Variants in MAGI3 observed in about 807,000 individuals in gnomAD.
The protein encoded by MAGI3 is membrane associated guanylate kinase, WW and PDZ domain containing 3.
A neutral mutation model predicts 121.8 loss-of-function variants in MAGI3; 43 were observed. The ratio of observed to expected loss-of-function variants is 0.35; its 90% CI spans 0.28 to 0.46. The LOEUF is 0.46. Among genes scored for constraint, MAGI3 ranks in the 20% least tolerant of loss-of-function variants. The pLI, the probability that MAGI3 is intolerant of heterozygous loss-of-function variation, is 1.00. For missense variants in MAGI3, 1,547 were observed against 1,797.3 expected (o/e 0.86, Z 2.52); for synonymous variants, 553 against 639.3 (o/e 0.86, Z 2.04).
At chr1:113,460,972 C>T (rs779185747) in intron 1 of MAGI3, among the ~76,000 whole-genome samples, 2 of 152,238 alleles carry the variant, frequency 1.3e-5, no homozygotes, top group African/African-American at 4.8e-5. Context: ...GAAAGGCAAT[C>T]GAATTCCCAG....
intron 1 of MAGI3, among the ~76,000 whole-genome samples, chr1:113,454,841 T>A (rs530263917): frequency 1.3e-5 from 2 of 152,282 alleles, no homozygotes; most frequent in South Asian, 4.2e-4. Flanking sequence ...TAGTAAATGC[T>A]CAGTAAATGA....
intron 1 of MAGI3, among the ~76,000 whole-genome samples, chr1:113,414,526 G>A (rs1361821076): frequency 1.3e-5 from 2 of 151,864 alleles, no homozygotes; most frequent in Non-Finnish European, 2.9e-5. Context: ...TTTGTTGGTA[G>A]GCTATTAATT....
chr1:113,419,983 C>T (rs1046501519), intron 1 of MAGI3, among the ~76,000 whole-genome samples: 6 of 152,190 alleles, frequency 3.9e-5, no homozygotes, highest in South Asian at 2.1e-4. Flanking sequence ...TCCTACTACC[C>T]TCTTAGAAGG....
intron 1 of MAGI3, among the ~76,000 whole-genome samples, chr1:113,475,193 T>C (rs1054686770): frequency 3.3e-5 from 5 of 152,184 alleles, no homozygotes; most frequent in African/African-American, 1.2e-4. Flanking sequence ...AGAGGGACAA[T>C]TTAACTTCCT....
intron 9 of MAGI3, among the ~76,000 whole-genome samples, chr1:113,626,672 A>G (rs1651259166): frequency 6.6e-6 from 1 of 152,082 alleles, no homozygotes. Context: ...TTGTGGTTTG[A>G]TCTTGGTAAG....
At chr1:113,471,775 A>G (rs1353847905) in intron 1 of MAGI3, among the ~76,000 whole-genome samples, 4 of 152,206 alleles carry the variant, frequency 2.6e-5, no homozygotes, top group Non-Finnish European at 4.4e-5. Flanking sequence ...TGTCTACAAC[A>G]TCATTAGGCT....
intron 1 of MAGI3, among the ~76,000 whole-genome samples, chr1:113,459,009 G>A (rs1346201238): frequency 6.6e-6 from 1 of 152,040 alleles, no homozygotes; most frequent in African/African-American, 2.4e-5. Flanking sequence ...ATGAGAAAAA[G>A]TCCTTTGAAT....
At chr1:113,400,062 A>T (rs1352372568) in intron 1 of MAGI3, among the ~76,000 whole-genome samples, 1 of 152,128 alleles carries the variant, frequency 6.6e-6, no homozygotes, top group African/African-American at 2.4e-5. Flanking sequence ...TTGAAACATT[A>T]CTTAAGTATG....
chr1:113,648,589 C>A (rs1304274563), intron 12 of MAGI3, among the ~76,000 whole-genome samples: 2 of 151,520 alleles, frequency 1.3e-5, no homozygotes, highest in Non-Finnish European at 2.9e-5. Flanking sequence ...GGAGATTAGA[C>A]CCTGGAAATC....
intron 2 of MAGI3, among the ~76,000 whole-genome samples, chr1:113,580,082 C>A (rs938415343): frequency 2.0e-5 from 3 of 152,044 alleles, no homozygotes; most frequent in African/African-American, 4.8e-5. Flanking sequence ...AATTTACTTA[C>A]TGCTTAATTT....
At chr1:113,414,201 A>T (rs186770143) in intron 1 of MAGI3, among the ~76,000 whole-genome samples, 19 of 152,148 alleles carry the variant, frequency 1.2e-4, no homozygotes, top group African/African-American at 4.6e-4. Context: ...TGTATGTTGA[A>T]CCAGCCTTGC....
intron 1 of MAGI3, among the ~76,000 whole-genome samples, chr1:113,471,157 C>G (rs1399417982): frequency 6.6e-6 from 1 of 152,110 alleles, no homozygotes; most frequent in Non-Finnish European, 1.5e-5. Flanking sequence ...AACATTCCAG[C>G]TGACAGCAGA....
chr1:113,634,787 G>C (rs1377874032), intron 9 of MAGI3, among the ~76,000 whole-genome samples: 3 of 152,166 alleles, frequency 2.0e-5, no homozygotes, highest in Non-Finnish European at 2.9e-5. Context: ...TTGGTAGCTT[G>C]ATGGGGATGG....
At chr1:113,641,015 GATATATAAT>G (rs56223057) in intron 9 of MAGI3, among the ~76,000 whole-genome samples, 54,736 of 99,970 alleles carry the variant, frequency 0.55, 18,621 homozygotes, top group South Asian at 0.62. Flanking sequence ...TAATATATAT[GATATATAAT>G]ATATATGATA....
At chr1:113,638,051 T>A (rs1349220223) in intron 9 of MAGI3, among the ~76,000 whole-genome samples, 1 of 152,252 alleles carries the variant, frequency 6.6e-6, no homozygotes, top group Non-Finnish European at 1.5e-5. Context: ...ATTCCTCACG[T>A]AGTTCTCGAG....
intron 9 of MAGI3, among the ~76,000 whole-genome samples, chr1:113,634,292 T>G (rs983427741): frequency 1.3e-5 from 2 of 151,664 alleles, no homozygotes; most frequent in African/African-American, 4.8e-5. Context: ...TTTGGTGTTT[T>G]AGACATGAAG....
At chr1:113,670,519 A>G (rs1320895398) in intron 16 of MAGI3, among the ~76,000 whole-genome samples, 2 of 152,156 alleles carry the variant, frequency 1.3e-5, no homozygotes, top group African/African-American at 2.4e-5. Flanking sequence ...CAGCTTCCAC[A>G]TGTTTTTCTA....
At chr1:113,641,072 A>G (rs1427932145) in intron 9 of MAGI3, among the ~76,000 whole-genome samples, 1 of 95,290 alleles carries the variant, frequency 1.0e-5, no homozygotes, top group Non-Finnish European at 2.2e-5. Context: ...TGATATATAT[A>G]ATATATATGA....
chr1:113,476,607 T>A (rs189240552), intron 1 of MAGI3, among the ~76,000 whole-genome samples: 27 of 152,334 alleles, frequency 1.8e-4, no homozygotes, highest in Non-Finnish European at 3.2e-4. Context: ...TGATTTCTGT[T>A]CTTTTACATT....
Sources: gnomAD v4.1 joint callset for allele counts (sites outside exome capture counted in the v4.1 genomes callset) on GRCh38, gnomAD v4.1.1 for gene constraint, MANE v1.5 for transcripts, NCBI Gene and HGNC (gene_info 2026-07-23, HGNC 2026-07-21) for gene names.